The following HSDL1 variants were observed in gnomAD, a reference collection of about 807,000 sequenced individuals.
HSDL1 encodes hydroxysteroid dehydrogenase like 1.
A neutral mutation model predicts 31.5 loss-of-function variants in HSDL1; 29 were observed. The ratio of observed to expected loss-of-function variants is 0.92; its 90% CI spans 0.69 to 1.26. HSDL1 has a LOEUF of 1.26. HSDL1 is among the 50% of genes most tolerant of loss of function. The probability of loss-of-function intolerance (pLI) is 0.00; values close to 1 mark genes in which losing one functional copy is unlikely to be tolerated. For synonymous variants in HSDL1, 222 were observed against 155.2 expected, an observed-to-expected ratio of 1.43 and a Z score of -3.20; for missense variants, 503 against 416.6, an observed-to-expected ratio of 1.21 and a Z score of -1.81.
chr16:84,130,219 C>A lies in HSDL1; in HGVS notation c.433G>T (p.Val145Phe). 6.2e-7 allele frequency: 1 copy of A among 1,614,208 alleles called. No individual in the cohort carries two copies. Among genetic ancestry groups the A allele is most frequent in the Non-Finnish European group, 8.5e-7 (1 of 1,180,032 alleles). Residue 145 changes from valine (V) to phenylalanine (F), a missense_variant, in exon 4 of 6, where the codon GTT (valine) becomes TTT (phenylalanine). Transcript: ENST00000219439. Reference sequence around the variant, plus strand: ...CCCACGTTATTTACCAAGATGCCAACGTCTTTGTCCTTCAGGGCTTCTCGA... The same window carrying A: ...CCCACGTTATTTACCAAGATGCCAAAGTCTTTGTCCTTCAGGGCTTCTCGA... ...PIREALKDKD[V>F]GILVNNVGVF...
At chr16:84,126,102 CAA>C (rs144379672) in intron 5 of HSDL1, among the ~76,000 whole-genome samples, 8,834 of 102,520 alleles carry the variant, frequency 0.086, 298 homozygotes, top group Middle Eastern at 0.17. Flanking sequence ...AACTCTGTCT[CAA>C]AAAAAAAAAA....
At chr16:84,144,646 G>A (rs1385126575) in intron 1 of HSDL1, among the ~76,000 whole-genome samples, 1 of 152,150 alleles carries the variant, frequency 6.6e-6, no homozygotes, top group Non-Finnish European at 1.5e-5. Flanking sequence ...GACAAAGGAG[G>A]CGATTGCTGG....
chr16:84,138,234 G>A (rs2086731128), intron 1 of HSDL1, among the ~76,000 whole-genome samples: 1 of 152,196 alleles, frequency 6.6e-6, no homozygotes, highest in Admixed American at 6.5e-5. Context: ...GTAAAATTCT[G>A]ATTCATGTAC....
intron 1 of HSDL1, among the ~76,000 whole-genome samples, chr16:84,142,820 T>C (rs1215016302): frequency 6.6e-6 from 1 of 152,208 alleles, no homozygotes; most frequent in African/African-American, 2.4e-5. Context: ...TGCTTTGTGT[T>C]CAAAGCTCAA....
chr16:84,125,459 CCAAT>C (rs571673067), intron 5 of HSDL1, among the ~76,000 whole-genome samples: 23 of 149,740 alleles, frequency 1.5e-4, no homozygotes, highest in Middle Eastern at 7.1e-3. Flanking sequence ...ACAATACCCA[CCAAT>C]CAATCACAAT....
At chr16:84,139,419 GA>G (rs2086744550) in intron 1 of HSDL1, 1 of 152,618 alleles carries the variant, frequency 6.6e-6, no homozygotes, top group Non-Finnish European at 1.5e-5. Context: ...ATAATAGAGA[GA>G]GGGGTGGGTC....
At position 84,131,159 on chromosome 16, in the gene HSDL1, G is replaced by C. The variant is rs201962844; in HGVS notation, c.163C>G (p.Arg55Gly). Reference sequence around the variant, plus strand: ...ATCAAGTCTGCTCTGCTCCCCAGGCGGGGGATAAAATGCAGCCTGATCAGG... The same window carrying C: ...ATCAAGTCTGCTCTGCTCCCCAGGCCGGGGATAAAATGCAGCCTGATCAGG... ...YSLIRLHFIP[R>G]LGSRADLIKQ... is the part of the protein sequence containing the mutation. Residue 55 changes from arginine to glycine, a missense_variant, in exon 3 of 6, where the codon CGC (arginine) becomes GGC (glycine). Coordinates refer to ENST00000219439, the MANE Select transcript of HSDL1 (RefSeq NM_031463.5). 56 of 1,614,146 alleles carry C rather than the reference G, an allele frequency of 3.5e-5. No individual in the cohort carries two copies. The highest frequency in any genetic ancestry group is 4.6e-5 in the Non-Finnish European group (54 of 1,180,006).
chr16:84,136,095 C>T (rs374555122), intron 1 of HSDL1, among the ~76,000 whole-genome samples: 2 of 152,218 alleles, frequency 1.3e-5, no homozygotes, highest in East Asian at 3.9e-4. Context: ...TTCCCTGGAA[C>T]ATCCACATTG....
intron 1 of HSDL1, among the ~76,000 whole-genome samples, chr16:84,141,544 T>C (rs978548995): frequency 1.3e-5 from 2 of 152,260 alleles, no homozygotes; most frequent in Non-Finnish European, 2.9e-5. Flanking sequence ...GATTTGCCCA[T>C]GGTTTAACTG....
chr16:84,141,875 T>C (rs1322437067), intron 1 of HSDL1, among the ~76,000 whole-genome samples: 3 of 152,242 alleles, frequency 2.0e-5, no homozygotes, highest in Non-Finnish European at 4.4e-5. Context: ...ATATTCTAGA[T>C]ACTAGCTCTC....
intron 2 of HSDL1, among the ~76,000 whole-genome samples, chr16:84,135,125 C>T (rs2086700509): frequency 6.6e-6 from 1 of 151,736 alleles, no homozygotes; most frequent in Admixed American, 6.6e-5. Flanking sequence ...CCCAGCTACT[C>T]AGGAGGCTGA....
At chr16:84,133,536 T>A (rs955335839) in intron 2 of HSDL1, among the ~76,000 whole-genome samples, 2 of 152,098 alleles carry the variant, frequency 1.3e-5, no homozygotes, top group African/African-American at 4.8e-5. Context: ...TCAAGACCAG[T>A]CTGGCCAAGA....
At chr16:84,127,249 G>T (rs1472995455) in intron 5 of HSDL1, among the ~76,000 whole-genome samples, 1 of 124,274 alleles carries the variant, frequency 8.0e-6, no homozygotes, top group Non-Finnish European at 1.6e-5. Flanking sequence ...TAAGAGTCTA[G>T]CTCTGTCACC....
In HSDL1 at chr16:84,124,469, C is replaced by G; in HGVS notation, c.*161G>C. 3.5e-6 allele frequency: 2 copies of G among 571,152 alleles called. No individual in the cohort carries two copies. The highest frequency in any genetic ancestry group is 5.7e-5 in the Admixed American group (2 of 34,976). The allele number at this position is 571,152 out of a possible 1,614,324, so 35.4% of individuals were successfully genotyped here. A position where few individuals can be genotyped will look rare whatever the true frequency, so the allele number is the denominator to read the frequency against. On this transcript the variant is annotated 3_prime_UTR_variant, in exon 6 of 6. Transcript: ENST00000219439. ...ATCCACACACCCTTAAGGTTTTTCA[C>G]AGCACTCTGACGGTATTATGTGTGT...
rs1304312132 is a variant in HSDL1, at chr16:84,131,122, C to G, written c.200G>C (p.Gly67Ala). Reference protein sequence around the residue: ...GSRADLIKQYGRWAVVSGATD... With the variant: ...GSRADLIKQYARWAVVSGATD... ...GTTACCGCTGACAACGGCCCATCTT[C>G]CATACTGCTTGATCAAGTCTGCTCT... The change falls in exon 3 of 6, where the codon GGA becomes GCA. Residue 67 changes from glycine to alanine, a missense_variant. Physicochemically the swap from Gly to Ala is moderately conservative, Grantham distance 60. Transcript: ENST00000219439. The G allele has an allele frequency of 6.2e-7, 1 of 1,613,532 alleles. No individual in the cohort carries two copies. The highest frequency in any genetic ancestry group is 8.5e-7 in the Non-Finnish European group (1 of 1,179,456).
rs1046401382 is a variant in HSDL1 at position 84,130,612 on chromosome 16, T to A, written c.221-181A>T. ...TGAGGAATGTGAAGGGCGCATGCTA[T>A]ACACTCTCCCAGACATCCTGACACA... is the stretch of plus-strand genomic sequence containing the variant. On this transcript the variant is annotated intron_variant, in intron 3 of 5. Transcript: ENST00000219439. Among the ~76,000 whole-genome samples, 4 of 152,212 alleles carry A rather than the reference T, an allele frequency of 2.6e-5. 1 individual carries two copies. Among genetic ancestry groups the A allele is most frequent in the African/African-American group, 9.7e-5 (4 of 41,444 alleles).
At chr16:84,142,954 G>C (rs11149628) in intron 1 of HSDL1, among the ~76,000 whole-genome samples, 27,615 of 152,072 alleles carry the variant, frequency 0.18, 2,718 homozygotes, top group East Asian at 0.34. Context: ...TTTGGTATAG[G>C]ACTAAACGCA....
chr16:84,133,672 T>A (rs2086688052), intron 2 of HSDL1, among the ~76,000 whole-genome samples: 1 of 152,180 alleles, frequency 6.6e-6, no homozygotes, highest in South Asian at 2.1e-4. Context: ...GAAGTTACAG[T>A]GAGCCGAGAT....
intron 5 of HSDL1, 58 bp downstream of exon 5, chr16:84,129,489 TC>T: frequency 8.6e-7 from 1 of 1,168,314 alleles, no homozygotes; most frequent in Non-Finnish European, 1.3e-6. Flanking sequence ...TTTCTCTGTA[TC>T]ACTGAGATAG....
Sources: allele counts gnomAD v4.1 joint callset (sites outside exome capture counted in the v4.1 genomes callset), GRCh38; gene constraint gnomAD v4.1.1; transcripts MANE v1.5; gene names NCBI Gene and HGNC (gene_info 2026-07-23, HGNC 2026-07-21).